The following SV2C variants were observed in gnomAD, a reference collection of about 807,000 sequenced individuals.
SV2C encodes the protein solute carrier family 22 member B3.
In SV2C, 49 loss-of-function variants were observed where a neutral mutation model predicts 79.7. That is an observed-to-expected ratio of 0.61 (90% CI 0.49 to 0.78). The LOEUF (loss-of-function observed/expected upper bound fraction) is 0.78. Among genes scored for constraint, SV2C ranks in the 30% least tolerant of loss-of-function variants. The probability of loss-of-function intolerance (pLI) is 0.00; values close to 1 mark genes in which losing one functional copy is unlikely to be tolerated. For missense variants in SV2C, 833 were observed against 912.9 expected, an observed-to-expected ratio of 0.91 and a Z score of 1.13; for synonymous variants, 334 against 333.2, an observed-to-expected ratio of 1.00 and a Z score of -0.03.
intron 4 of SV2C, among the ~76,000 whole-genome samples, chr5:76,225,911 C>T (rs1297801888): frequency 6.6e-6 from 1 of 152,176 alleles, no homozygotes; most frequent in Non-Finnish European, 1.5e-5. Context: ...CCGTCTGTGC[C>T]TGGCCCCATG....
At chr5:76,206,297 C>T (rs1501933) in intron 3 of SV2C, among the ~76,000 whole-genome samples, 6,232 of 152,246 alleles carry the variant, frequency 0.041, 420 homozygotes, top group East Asian at 0.25. Context: ...ATAGCATCTG[C>T]AACCTTTTTC....
At chr5:76,075,866 A>G in the SV2C span, 5 of 223,572 alleles carry the variant, frequency 2.2e-5, no homozygotes, top group East Asian at 5.4e-4. Flanking sequence ...TTATTTGCAC[A>G]TAGCAATTAC....
the SV2C span, among the ~76,000 whole-genome samples, chr5:76,045,574 C>G: frequency 6.6e-6 from 1 of 152,172 alleles, no homozygotes; most frequent in South Asian, 2.1e-4. Flanking sequence ...TGCCAATATG[C>G]ATTGAGCGAA....
At chr5:76,187,720 T>A (rs1458415495) in intron 2 of SV2C, among the ~76,000 whole-genome samples, 1 of 149,364 alleles carries the variant, frequency 6.7e-6, no homozygotes, top group Non-Finnish European at 1.5e-5. Flanking sequence ...TAGAAGCCTA[T>A]TAATTATGTA....
intron 12 of SV2C, among the ~76,000 whole-genome samples, chr5:76,316,651 T>G (rs2112553043): frequency 6.6e-6 from 1 of 152,134 alleles, no homozygotes; most frequent in East Asian, 1.9e-4. Flanking sequence ...TTTAGGGGTG[T>G]GTCTAAGGCA....
At chr5:75,882,802 T>TAAAAA in the SV2C span, among the ~76,000 whole-genome samples, 1 of 150,068 alleles carries the variant, frequency 6.7e-6, no homozygotes, top group African/African-American at 2.4e-5. Flanking sequence ...AAAAAAAAAC[T>TAAAAA]CCAAAAGCAA....
At chr5:76,015,510 C>A in the SV2C span, among the ~76,000 whole-genome samples, 8 of 152,082 alleles carry the variant, frequency 5.3e-5, no homozygotes, top group Non-Finnish European at 1.2e-4. Flanking sequence ...GCTTTTGAGT[C>A]AAATTCTGTG....
chr5:76,310,049 CAA>C (rs34045605), intron 12 of SV2C, among the ~76,000 whole-genome samples: 1 of 141,054 alleles, frequency 7.1e-6, no homozygotes, highest in South Asian at 2.2e-4. Context: ...CTATTTCATT[CAA>C]AAAAAAAAAA....
the SV2C span, among the ~76,000 whole-genome samples, chr5:76,066,966 G>A: frequency 0.48 from 72,204 of 151,872 alleles, 17,463 homozygotes; most frequent in East Asian, 0.72. Flanking sequence ...GTCATGGAAG[G>A]CTTACTGTTT....
chr5:76,011,969 A>ACATT, the SV2C span, among the ~76,000 whole-genome samples: 1 of 152,142 alleles, frequency 6.6e-6, no homozygotes, highest in Non-Finnish European at 1.5e-5. Flanking sequence ...ATTGTATTCC[A>ACATT]TGGTGTATAT....
the SV2C span, among the ~76,000 whole-genome samples, chr5:76,063,280 G>C: frequency 9.8e-4 from 149 of 152,194 alleles, no homozygotes; most frequent in African/African-American, 3.2e-3. Context: ...CCTTCTAGAG[G>C]GGAAGCTAGG....
At position 76,291,818 on chromosome 5, in the gene SV2C, A is replaced by C. The variant is rs1047418775; in HGVS notation, c.1299A>C (p.Thr433=). 1.2e-6 allele frequency: 2 copies of C among 1,610,696 alleles called. No individual in the cohort carries two copies. Among genetic ancestry groups the C allele is most frequent in the African/African-American group, 2.7e-5 (2 of 74,852 alleles). ...RCFNYPVRDN[T]IKLTIVWFTL... is the part of the protein sequence containing the mutation. ...TCAACTACCCAGTCAGGGATAATAC[A>C]ATAAAGCTTACAATTGTTTGGTTCA... Residue 433 remains threonine, a synonymous_variant, in exon 8 of 13, where the codon ACA becomes ACC. Coordinates refer to ENST00000502798, the MANE Select transcript of SV2C (RefSeq NM_014979.4).
intron 1 of SV2C, among the ~76,000 whole-genome samples, chr5:76,100,808 G>T (rs189821217): frequency 1.3e-5 from 2 of 152,140 alleles, no homozygotes; most frequent in Admixed American, 6.5e-5. Context: ...TGACATTTTG[G>T]ACCAGATAAT....
chr5:76,179,599 C>T (rs1030273841), intron 2 of SV2C, among the ~76,000 whole-genome samples: 9 of 152,174 alleles, frequency 5.9e-5, no homozygotes, highest in African/African-American at 1.9e-4. Flanking sequence ...CCTAAAATGC[C>T]GAAGAGTGCT....
the SV2C span, among the ~76,000 whole-genome samples, chr5:75,916,843 C>T: frequency 1.1e-4 from 16 of 152,260 alleles, no homozygotes; most frequent in South Asian, 2.5e-3. Context: ...ATGGGCTGTT[C>T]CCCCAGTGCC....
chr5:76,026,201 AAC>A, the SV2C span, among the ~76,000 whole-genome samples: 3,995 of 140,074 alleles, frequency 0.029, 58 homozygotes, highest in South Asian at 0.068. Context: ...CAAATTTACA[AAC>A]ACACACACAC....
At chr5:75,917,815 A>C in the SV2C span, among the ~76,000 whole-genome samples, 233 of 151,344 alleles carry the variant, frequency 1.5e-3, 2 homozygotes, top group African/African-American at 5.2e-3. Context: ...AATAACTTAA[A>C]GAGTGTAATT....
At chr5:75,919,419 G>C in the SV2C span, among the ~76,000 whole-genome samples, 1 of 152,156 alleles carries the variant, frequency 6.6e-6, no homozygotes, top group Admixed American at 6.5e-5. Flanking sequence ...GCAGCTGGCT[G>C]TCTTCATCAA....
At chr5:76,148,408 G>A (rs933362877) in intron 2 of SV2C, among the ~76,000 whole-genome samples, 8 of 151,992 alleles carry the variant, frequency 5.3e-5, no homozygotes, top group Non-Finnish European at 4.4e-5. Flanking sequence ...TTGTTATATG[G>A]TCACTGGCCG....
Sources: allele counts gnomAD v4.1 joint callset (sites outside exome capture counted in the v4.1 genomes callset), GRCh38; gene constraint gnomAD v4.1.1; transcripts MANE v1.5; gene names NCBI Gene and HGNC (gene_info 2026-07-23, HGNC 2026-07-21).